GSK3B: variants seen among roughly 807,000 people sequenced by gnomAD.
The protein encoded by GSK3B is glycogen synthase kinase-3 beta.
Under a neutral mutation model 56.4 loss-of-function variants are expected in GSK3B, and 15 were observed. That is an observed-to-expected ratio of 0.27 (90% CI 0.18 to 0.41). GSK3B has a LOEUF of 0.41. Among genes scored for constraint, GSK3B ranks in the 10% least tolerant of loss-of-function variants. GSK3B has a pLI of 1.00. For synonymous variants in GSK3B, 181 were observed against 188.9 expected (o/e 0.96, Z 0.34); for missense variants, 300 against 513.4 (o/e 0.58, Z 4.02).
chr3:119,837,905 A>G (rs1358097779), intron 10 of GSK3B, among the ~76,000 whole-genome samples: 1 of 146,534 alleles, frequency 6.8e-6, no homozygotes, highest in East Asian at 2.0e-4. Context: ...TATATTTTAT[A>G]TATATAAATG....
intron 1 of GSK3B, among the ~76,000 whole-genome samples, chr3:120,048,979 T>A (rs549184321): frequency 2.0e-5 from 3 of 152,062 alleles, no homozygotes. Flanking sequence ...AGGGAAAAAA[T>A]CCCTATACAT....
chr3:119,989,692 C>G (rs185073555), intron 2 of GSK3B, among the ~76,000 whole-genome samples: 1 of 151,468 alleles, frequency 6.6e-6, no homozygotes, highest in Non-Finnish European at 1.5e-5. Context: ...ATCTAAACAA[C>G]CAAACAGATT....
At chr3:120,023,251 G>A (rs932382495) in intron 1 of GSK3B, among the ~76,000 whole-genome samples, 9 of 151,316 alleles carry the variant, frequency 5.9e-5, no homozygotes, top group African/African-American at 2.2e-4. Context: ...AGGGTTTGAT[G>A]TGAATATATG....
intron 2 of GSK3B, among the ~76,000 whole-genome samples, chr3:119,965,497 C>T: frequency 6.6e-6 from 1 of 152,024 alleles, no homozygotes; most frequent in Non-Finnish European, 1.5e-5. Flanking sequence ...CAGGCATCAG[C>T]CACCATGCCC....
At chr3:119,958,169 C>G (rs2057232646) in intron 2 of GSK3B, among the ~76,000 whole-genome samples, 1 of 152,108 alleles carries the variant, frequency 6.6e-6, no homozygotes, top group Non-Finnish European at 1.5e-5. Context: ...TCTCTCCCAC[C>G]ACCTTGTGAA....
chr3:119,927,850 TGAA>T (rs1262449516), intron 3 of GSK3B, among the ~76,000 whole-genome samples: 2 of 151,556 alleles, frequency 1.3e-5, no homozygotes, highest in Non-Finnish European at 1.5e-5. Flanking sequence ...TTAGCAAACA[TGAA>T]GAAAAAACTA....
intron 1 of GSK3B, among the ~76,000 whole-genome samples, chr3:120,068,722 T>TA (rs1335096917): frequency 2.7e-5 from 4 of 150,602 alleles, no homozygotes; most frequent in African/African-American, 4.9e-5. Context: ...AATAAATAAA[T>TA]AATAATAATA....
intron 2 of GSK3B, among the ~76,000 whole-genome samples, chr3:119,986,861 C>T (rs1407954552): frequency 6.6e-6 from 1 of 152,140 alleles, no homozygotes; most frequent in Non-Finnish European, 1.5e-5. Context: ...ATAAATCATG[C>T]TACTATAAAG....
chr3:120,045,638 G>GCT (rs1420793842), intron 1 of GSK3B, among the ~76,000 whole-genome samples: 3 of 152,160 alleles, frequency 2.0e-5, no homozygotes, highest in Non-Finnish European at 4.4e-5. Context: ...TGTTCCCTGT[G>GCT]CTCTCGCCAT....
chr3:119,918,039 C>T (rs1310716818), intron 4 of GSK3B, among the ~76,000 whole-genome samples: 5 of 151,992 alleles, frequency 3.3e-5, no homozygotes, highest in African/African-American at 1.2e-4. Context: ...AACTGAGGCC[C>T]AGAGAGATTA....
rs139563741 is a variant in GSK3B at position 120,003,763 on chromosome 3, G to A, written c.89-1524C>T. ...AATTAACACTTTCATTTGTAAGATG[G>A]CATTCATGGTCGCTTCCAAGATGGC... On this transcript the variant is annotated intron_variant, in intron 1 of 10. Transcript: ENST00000264235. 2.4e-3 allele frequency among the ~76,000 whole-genome samples: 361 copies of A among 152,288 alleles called. 1 individual carries two copies. Among genetic ancestry groups the A allele is most frequent in the African/African-American group, 7.9e-3 (328 of 41,544 alleles).
chr3:120,009,969 A>T (rs748495617), intron 1 of GSK3B, among the ~76,000 whole-genome samples: 6 of 152,200 alleles, frequency 3.9e-5, no homozygotes, highest in Non-Finnish European at 5.9e-5. Flanking sequence ...TTATGTCTTT[A>T]GGTCCAAGGT....
intron 1 of GSK3B, among the ~76,000 whole-genome samples, chr3:120,068,411 AT>A (rs1559899350): frequency 3.4e-5 from 5 of 145,668 alleles, no homozygotes; most frequent in African/African-American, 7.7e-5. Context: ...AAAAAAAAAA[AT>A]TTGGGACGCC....
At chr3:119,898,448 T>C (rs536016802) in intron 7 of GSK3B, among the ~76,000 whole-genome samples, 4 of 152,290 alleles carry the variant, frequency 2.6e-5, no homozygotes, top group South Asian at 2.1e-4. Flanking sequence ...ATACCTCAAA[T>C]TGATTTCACT....
At chr3:120,021,832 A>T (rs780527549) in intron 1 of GSK3B, among the ~76,000 whole-genome samples, 1 of 152,190 alleles carries the variant, frequency 6.6e-6, no homozygotes, top group Non-Finnish European at 1.5e-5. Context: ...AGGATTTAGG[A>T]TATAATCTCA....
intron 1 of GSK3B, among the ~76,000 whole-genome samples, chr3:120,019,146 A>C (rs1310502691): frequency 6.6e-6 from 1 of 152,208 alleles, no homozygotes; most frequent in Admixed American, 6.5e-5. Context: ...TTTACTTTTC[A>C]TACATTCAAA....
chr3:120,065,502 T>C (rs2058271011), intron 1 of GSK3B, among the ~76,000 whole-genome samples: 1 of 152,188 alleles, frequency 6.6e-6, no homozygotes, highest in South Asian at 2.1e-4. Context: ...GGAACCCTAC[T>C]ACACTGCTGG....
At chr3:119,888,861 G>A (rs1482167643) in intron 7 of GSK3B, among the ~76,000 whole-genome samples, 1 of 152,052 alleles carries the variant, frequency 6.6e-6, no homozygotes, top group Non-Finnish European at 1.5e-5. Flanking sequence ...TTATGCCATA[G>A]AGATAAGGAC....
At chr3:119,988,381 C>T (rs1416814898) in intron 2 of GSK3B, among the ~76,000 whole-genome samples, 3 of 152,194 alleles carry the variant, frequency 2.0e-5, no homozygotes, top group Non-Finnish European at 4.4e-5. Flanking sequence ...ACCTGATTTT[C>T]TCCATAATTT....
Sources: allele counts gnomAD v4.1 joint callset (sites outside exome capture counted in the v4.1 genomes callset), GRCh38; gene constraint gnomAD v4.1.1; transcripts MANE v1.5; gene names NCBI Gene and HGNC (gene_info 2026-07-23, HGNC 2026-07-21).